GALNT10: variants seen among roughly 807,000 people sequenced by gnomAD.
GALNT10 encodes polypeptide N-acetylgalactosaminyltransferase 10, also known as GalNAc transferase 10.
In GALNT10, 41 loss-of-function variants were observed where a neutral mutation model predicts 75.0. That is an observed-to-expected ratio of 0.55 (90% confidence interval 0.43 to 0.71). The LOEUF (loss-of-function observed/expected upper bound fraction) is 0.71, where lower values mean the gene tolerates loss of function less well. GALNT10 is among the 30% of genes least tolerant of loss of function. GALNT10 has a pLI of 0.00. For missense variants in GALNT10, 727 were observed against 818.5 expected, an observed-to-expected ratio of 0.89 and a Z score of 1.36; for synonymous variants, 302 against 313.0, an observed-to-expected ratio of 0.96 and a Z score of 0.37.
chr5:154,212,967 CAA>C (rs761996348), intron 1 of GALNT10, among the ~76,000 whole-genome samples: 6 of 28,740 alleles, frequency 2.1e-4, no homozygotes, highest in Non-Finnish European at 4.3e-4. Flanking sequence ...GATTCCATCT[CAA>C]AAAAAAAAAA....
intron 4 of GALNT10, among the ~76,000 whole-genome samples, chr5:154,346,161 T>TGA (rs1554099631): frequency 2.6e-5 from 4 of 151,002 alleles, no homozygotes; most frequent in African/African-American, 9.7e-5. Flanking sequence ...TGTGTGTGTG[T>TGA]GAGATAGATA....
Position 154,412,825 on chromosome 5 carries a change from G to A in GALNT10, c.1387-64G>A, listed in dbSNP as rs1756426565. On this transcript the variant is annotated intron_variant, in intron 9 of 11. Transcript: ENST00000297107. The surrounding 1 kb of genome is among the most constrained non-coding windows in gnomAD (Gnocchi z 4.2). ...CCCACTTGGTTTCCCCTTTCACCTG[G>A]CAGGGACCCGGTGGGCACCTTAAGG... The A allele has an allele frequency of 3.7e-6, 4 of 1,087,466 alleles. No individual in the cohort carries two copies. The East Asian group carries it at 9.4e-5, about 26-fold the overall frequency. The allele number at this position is 1,087,466 out of a possible 1,614,324, so 67.4% of individuals were successfully genotyped here.
At chr5:154,294,215 G>C (rs1754240718) in intron 1 of GALNT10, among the ~76,000 whole-genome samples, 1 of 152,072 alleles carries the variant, frequency 6.6e-6, no homozygotes, top group Non-Finnish European at 1.5e-5. Context: ...CGTACCTGTA[G>C]TCCCAGCTAC....
chr5:154,244,682 G>A (rs1753393426), intron 1 of GALNT10, among the ~76,000 whole-genome samples: 1 of 152,190 alleles, frequency 6.6e-6, no homozygotes. Flanking sequence ...CGTGAGCCCA[G>A]TAAAGGGGAA....
rs1171468729 is a variant in GALNT10 at position 154,343,071 on chromosome 5, A to G, written c.568+13333A>G. 2.0e-5 allele frequency among the ~76,000 whole-genome samples: 3 copies of G among 151,546 alleles called. No individual in the cohort carries two copies. The South Asian group carries it at 6.2e-4, about 32-fold the overall frequency. On this transcript the variant is annotated intron_variant, in intron 4 of 11. Transcript: ENST00000297107. ...GTTCTCAAATTTTGGTGTGCATAAG[A>G]ATCACCTGGGAAGAATGTTTAACAT...
chr5:154,317,708 C>G (rs1754615141), intron 3 of GALNT10, among the ~76,000 whole-genome samples: 1 of 152,210 alleles, frequency 6.6e-6, no homozygotes, highest in South Asian at 2.1e-4. Flanking sequence ...CAAGTTAAAT[C>G]AGCAAAGATT....
At chr5:154,341,384 A>G (rs967197154) in intron 4 of GALNT10, among the ~76,000 whole-genome samples, 4 of 152,178 alleles carry the variant, frequency 2.6e-5, no homozygotes, top group African/African-American at 9.7e-5. Context: ...GTCATCTCCT[A>G]TTTGTCCTCC....
intron 1 of GALNT10, among the ~76,000 whole-genome samples, chr5:154,252,956 G>A (rs989913286): frequency 1.5e-5 from 2 of 135,988 alleles, no homozygotes; most frequent in Admixed American, 7.5e-5. Flanking sequence ...CACTTATTTG[G>A]GGCATTAACT....
chr5:154,211,212 G>A (rs985787613), intron 1 of GALNT10, among the ~76,000 whole-genome samples: 3 of 152,228 alleles, frequency 2.0e-5, no homozygotes, highest in Admixed American at 6.5e-5. Flanking sequence ...GAACTTGCAG[G>A]TAGGCTGTGT....
Position 154,418,509 on chromosome 5 carries a change from A to G in GALNT10, c.*1537A>G, listed in dbSNP as rs1372866772. ...ATCTATGGCTTCCACCAGCTAGCCC[A>G]GGAAATACTTGAAATCAGCATTCCA... On this transcript the variant is annotated 3_prime_UTR_variant, in exon 12 of 12. Transcript: ENST00000297107. 1 of 152,270 alleles carries G rather than the reference A, an allele frequency of 6.6e-6. No homozygotes were observed. The highest frequency in any genetic ancestry group is 1.5e-5 in the Non-Finnish European group (1 of 68,052). 9.4% of individuals were successfully genotyped at this position (152,270 alleles called of 1,614,324 possible).
At chr5:154,255,273 C>G (rs1357745039) in intron 1 of GALNT10, among the ~76,000 whole-genome samples, 4 of 152,074 alleles carry the variant, frequency 2.6e-5, no homozygotes. Context: ...AGGTATATCC[C>G]TCAATTATGT....
intron 4 of GALNT10, among the ~76,000 whole-genome samples, chr5:154,349,154 G>A (rs1417106757): frequency 1.3e-5 from 2 of 151,950 alleles, no homozygotes; most frequent in Admixed American, 6.6e-5. Flanking sequence ...CTAGATAGGT[G>A]TCATTGCCTA....
intron 1 of GALNT10, among the ~76,000 whole-genome samples, chr5:154,251,971 T>C (rs1185831796): frequency 6.6e-6 from 1 of 151,894 alleles, no homozygotes. Flanking sequence ...AATTAAAGAC[T>C]GTTGAATTTT....
At chr5:154,345,847 G>A (rs1477984198) in intron 4 of GALNT10, among the ~76,000 whole-genome samples, 2 of 145,588 alleles carry the variant, frequency 1.4e-5, no homozygotes, top group African/African-American at 5.1e-5. Flanking sequence ...GTTTCACCAT[G>A]TTGCCCAGGC....
chr5:154,232,721 G>A (rs1032151495), intron 1 of GALNT10, among the ~76,000 whole-genome samples: 3 of 152,178 alleles, frequency 2.0e-5, no homozygotes, highest in Non-Finnish European at 1.5e-5. Context: ...GCTTGAAGAC[G>A]AGAAAGAGTG....
At chr5:154,278,998 T>C (rs758836381) in intron 1 of GALNT10, among the ~76,000 whole-genome samples, 21 of 152,234 alleles carry the variant, frequency 1.4e-4, no homozygotes, top group Non-Finnish European at 2.9e-4. Context: ...GTAATGTGAC[T>C]ATTATGAACA....
chr5:154,328,956 C>T (rs1388331204), intron 3 of GALNT10, among the ~76,000 whole-genome samples: 1 of 152,132 alleles, frequency 6.6e-6, no homozygotes, highest in Non-Finnish European at 1.5e-5. Flanking sequence ...CAGCTCCTGT[C>T]CCCTTCCTGG....
At position 154,376,887 on chromosome 5, in the gene GALNT10, C is replaced by T. The variant is rs999414173; in HGVS notation, c.754+425C>T. Among the ~76,000 whole-genome samples the T allele has an allele frequency of 6.6e-6, 1 of 152,198 alleles. No individual in the cohort carries two copies. The highest frequency in any genetic ancestry group is 2.4e-5 in the African/African-American group (1 of 41,442). On this transcript the variant is annotated intron_variant, in intron 5 of 11. Coordinates refer to ENST00000297107, the MANE Select transcript of GALNT10 (RefSeq NM_198321.4). This position sits in a 1 kb window ranked among gnomAD's most constrained non-coding sequence, Gnocchi z 4.1. The stretch of plus-strand genomic sequence containing the variant: ...TGAGCCAGGCAGTTATAAGCATTAT[C>T]TAATTCTCACAAAACCATGCAGGTC...
At chr5:154,224,396 T>G (rs1332016075) in intron 1 of GALNT10, among the ~76,000 whole-genome samples, 3 of 152,226 alleles carry the variant, frequency 2.0e-5, no homozygotes, top group Non-Finnish European at 2.9e-5. Context: ...TTTGACCCAG[T>G]CTCTTGCTTC....
Sources: allele counts gnomAD v4.1 joint callset (sites outside exome capture counted in the v4.1 genomes callset), GRCh38; gene constraint gnomAD v4.1.1; non-coding constraint Gnocchi (gnomAD v3.1); transcripts MANE v1.5; gene names NCBI Gene and HGNC (gene_info 2026-07-23, HGNC 2026-07-21).